HNRNPC: variants seen among roughly 807,000 people sequenced by gnomAD.
The protein encoded by HNRNPC is heterogeneous nuclear ribonucleoproteins C1/C2.
A neutral mutation model predicts 33.2 loss-of-function variants in HNRNPC; 3 were observed. The ratio of observed to expected loss-of-function variants is 0.09; its 90% CI spans 0.04 to 0.23. The LOEUF is 0.23. Ranked by LOEUF, HNRNPC falls within the 10% of genes least tolerant of loss-of-function variation. HNRNPC has a pLI of 1.00. For missense variants in HNRNPC, 143 were observed against 366.7 expected, an observed-to-expected ratio of 0.39 and a Z score of 4.98; for synonymous variants, 121 against 126.7, an observed-to-expected ratio of 0.96 and a Z score of 0.30.
chr14:21,232,736 C>G (rs1894251489), intron 3 of HNRNPC, among the ~76,000 whole-genome samples: 1 of 152,074 alleles, frequency 6.6e-6, no homozygotes, highest in African/African-American at 2.4e-5. Flanking sequence ...ATCAAATGAC[C>G]AACTGAAAAC....
intron 5 of HNRNPC, among the ~76,000 whole-genome samples, chr14:21,217,335 A>G (rs1035170408): frequency 6.6e-6 from 1 of 152,236 alleles, no homozygotes; most frequent in African/African-American, 2.4e-5. Context: ...ATGCTGTCTT[A>G]GTCTAGCATC....
chr14:21,219,303 AGTTATG>A (rs1225699891), intron 5 of HNRNPC, among the ~76,000 whole-genome samples: 1 of 152,174 alleles, frequency 6.6e-6, no homozygotes, highest in Non-Finnish European at 1.5e-5. Flanking sequence ...TCTTGGTTAT[AGTTATG>A]GTTATATGAC....
chr14:21,248,601 G>A (rs921856817), intron 2 of HNRNPC, among the ~76,000 whole-genome samples: 4 of 152,076 alleles, frequency 2.6e-5, no homozygotes, highest in Non-Finnish European at 4.4e-5. Flanking sequence ...AATGGCCCAA[G>A]GACACAAACA....
At chr14:21,244,366 T>A (rs1049088524) in intron 2 of HNRNPC, among the ~76,000 whole-genome samples, 3 of 152,208 alleles carry the variant, frequency 2.0e-5, no homozygotes, top group African/African-American at 7.2e-5. Context: ...AGTGATGTAA[T>A]GCAACAAATA....
At chr14:21,245,203 T>G (rs542195091) in intron 2 of HNRNPC, among the ~76,000 whole-genome samples, 1 of 151,246 alleles carries the variant, frequency 6.6e-6, no homozygotes, top group South Asian at 2.1e-4. Context: ...GTATAAAAGA[T>G]TTCAAAAATG....
intron 5 of HNRNPC, among the ~76,000 whole-genome samples, chr14:21,223,878 A>C (rs1364544087): frequency 6.6e-6 from 1 of 152,172 alleles, no homozygotes; most frequent in Non-Finnish European, 1.5e-5. Context: ...GAAAGATATA[A>C]TTAACAGTGG....
rs1445454025 is a variant in HNRNPC, at chr14:21,209,472, A to G, written c.*1751T>C. The G allele has an allele frequency of 2.0e-5, 3 of 152,224 alleles. No individual in the cohort carries two copies. The highest frequency in any genetic ancestry group is 2.9e-5 in the Non-Finnish European group (2 of 68,034). 9.4% of individuals were successfully genotyped at this position (152,224 alleles called of 1,614,324 possible). ...ATTTTCTAGTCACGGGTTACTTACT[A>G]AAAGTCTGTGTAACATGAGCTCACA... On this transcript the variant is annotated 3_prime_UTR_variant, in exon 9 of 9. Coordinates refer to ENST00000553300, the MANE Select transcript of HNRNPC (RefSeq NM_004500.4).
At chr14:21,211,705 T>A (rs1891625946) in intron 7 of HNRNPC, 105 bp downstream of exon 7, 4 of 1,418,732 alleles carry the variant, frequency 2.8e-6, no homozygotes. Flanking sequence ...ACTCCCCAAG[T>A]TTCATATTAC....
Position 21,218,412 on chromosome 14 carries a change from A to G in HNRNPC, c.366-5295T>C, listed in dbSNP as rs150356309. Among the ~76,000 whole-genome samples the G allele has an allele frequency of 3.4e-4, 52 of 152,262 alleles. 1 individual carries two copies. The highest frequency in any genetic ancestry group is 1.4e-3 in the Admixed American group (21 of 15,282). On this transcript the variant is annotated intron_variant, in intron 5 of 8. Transcript: ENST00000553300. Reference sequence around the variant, plus strand: ...TAAAAAACTAAAATTGAGGCTGGGCATGGTAGCCCATGCCTGTAATCCCAG... The same window carrying G: ...TAAAAAACTAAAATTGAGGCTGGGCGTGGTAGCCCATGCCTGTAATCCCAG...
chr14:21,230,313 A>G lies in HNRNPC; in HGVS notation c.365+6T>C. 1.3e-6 allele frequency: 2 copies of G among 1,595,044 alleles called. 1 individual carries two copies. The highest frequency in any genetic ancestry group is 2.2e-5 in the South Asian group (2 of 90,176). The stretch of plus-strand genomic sequence containing the variant: ...TTTAGCAGAAATACAAAACATTTTA[A>G]CATACCTATCATAATAGTCCCGTTG... On this transcript the variant is annotated splice_donor_region_variant and intron_variant, in intron 5 of 8. Transcript: ENST00000553300.
At chr14:21,214,232 T>G (rs1191051574) in intron 5 of HNRNPC, among the ~76,000 whole-genome samples, 5 of 152,232 alleles carry the variant, frequency 3.3e-5, no homozygotes, top group African/African-American at 1.2e-4. Flanking sequence ...ACAAATGTGA[T>G]AGTCAAGAAC....
In HNRNPC at chr14:21,213,080, G is replaced by A; in HGVS notation, c.403C>T (p.Pro135Ser). Residue 135 changes from proline to serine, a missense_variant, in exon 6 of 9, where the codon CCT (proline) becomes TCT (serine). By Grantham distance (74) the Pro-to-Ser change is moderately conservative (BLOSUM62 -1). Around this residue, in one of 2 missense-constraint regions of HNRNPC, gnomAD observed 131 missense variants for 253.0 expected, o/e 0.52. Transcript: ENST00000553300. ...SYPARVPPPP[P>S]IARAVVPSKR... Reference sequence around the variant, plus strand: ...GAGGGCACTACAGCCCGAGCAATAGGAGGAGGAGGAGGTACACGTGCTGGG... The same window carrying A: ...GAGGGCACTACAGCCCGAGCAATAGAAGGAGGAGGAGGTACACGTGCTGGG... The A allele has an allele frequency of 6.2e-7, 1 of 1,608,040 alleles. No homozygotes were observed.
intron 5 of HNRNPC, 129 bp from the exon 6 acceptor site, chr14:21,213,246 A>C: frequency 1.0e-6 from 1 of 978,604 alleles, no homozygotes; most frequent in South Asian, 1.8e-5. Context: ...TTCATTAAGA[A>C]GGCCAGCAAA....
At chr14:21,239,898 C>T (rs570045237) in intron 2 of HNRNPC, among the ~76,000 whole-genome samples, 21 of 152,102 alleles carry the variant, frequency 1.4e-4, no homozygotes, top group African/African-American at 4.1e-4. Context: ...ACAAAAAAAG[C>T]GGAAAAATAG....
At chr14:21,254,200 CTT>C (rs1159440826) in intron 2 of HNRNPC, among the ~76,000 whole-genome samples, 1 of 151,852 alleles carries the variant, frequency 6.6e-6, no homozygotes. Flanking sequence ...CTGTCCAAAG[CTT>C]TGTTTACAAA....
chr14:21,244,659 A>C (rs113723857), intron 2 of HNRNPC, among the ~76,000 whole-genome samples: 412 of 152,352 alleles, frequency 2.7e-3, no homozygotes, highest in Middle Eastern at 6.8e-3. Context: ...GAAATGCATG[A>C]GAATTGTATC....
chr14:21,211,332 T>C (rs373870149), intron 8 of HNRNPC, 26 bp from the exon 9 acceptor site: 2 of 1,613,478 alleles, frequency 1.2e-6, no homozygotes, highest in African/African-American at 2.7e-5. Context: ...ACAAACAGGA[T>C]GGAGTTAGAG....
intron 5 of HNRNPC, among the ~76,000 whole-genome samples, chr14:21,223,067 G>A (rs1253439442): frequency 3.3e-5 from 5 of 151,858 alleles, no homozygotes; most frequent in Non-Finnish European, 5.9e-5. Context: ...AGAGCCCGGC[G>A]TGGTGATGCA....
At chr14:21,228,956 A>G (rs1893787272) in intron 5 of HNRNPC, among the ~76,000 whole-genome samples, 1 of 151,278 alleles carries the variant, frequency 6.6e-6, no homozygotes, top group Non-Finnish European at 1.5e-5. Flanking sequence ...GTGGTGGTGC[A>G]TGCCTGTAAC....
Sources: allele counts gnomAD v4.1 joint callset (sites outside exome capture counted in the v4.1 genomes callset), GRCh38; gene constraint gnomAD v4.1.1; regional missense constraint gnomAD v4.1.1; transcripts MANE v1.5; gene names NCBI Gene and HGNC (gene_info 2026-07-23, HGNC 2026-07-21).